NIPA1: variants seen among roughly 807,000 people sequenced by gnomAD.
NIPA1 encodes the protein NIPA magnesium transporter 1, also known as magnesium transporter NIPA1.
In NIPA1, 13 loss-of-function variants were observed where a neutral mutation model predicts 23.9. That is an observed-to-expected ratio of 0.54 (90% CI 0.35 to 0.87). NIPA1 has a LOEUF of 0.87. Among genes scored for constraint, NIPA1 ranks in the 40% least tolerant of loss-of-function variants. The pLI is 0.01. For synonymous variants in NIPA1, 234 were observed against 202.9 expected (o/e 1.15, Z -1.30); for missense variants, 362 against 429.7 (o/e 0.84, Z 1.39).
At chr15:22,813,465 T>A (rs1318820336) in intron 3 of NIPA1, among the ~76,000 whole-genome samples, 3 of 152,176 alleles carry the variant, frequency 2.0e-5, no homozygotes, top group Non-Finnish European at 1.5e-5. Context: ...GTTTACTTAC[T>A]GCGAAAATGA....
In NIPA1 at chr15:22,829,113, A is replaced by G. The variant is rs1566791332; in HGVS notation, c.*4874A>G. 2 of 152,328 alleles carry G rather than the reference A, an allele frequency of 1.3e-5. No individual in the cohort carries two copies. The highest frequency in any genetic ancestry group is 3.9e-4 in the East Asian group (2 of 5,190). The allele number at this position is 152,328 out of a possible 1,614,324, so 9.4% of individuals were successfully genotyped here. A position where few individuals can be genotyped will look rare whatever the true frequency, so the allele number is the denominator to read the frequency against. On this transcript the variant is annotated 3_prime_UTR_variant, in exon 5 of 5. Coordinates refer to ENST00000337435, the MANE Select transcript of NIPA1 (RefSeq NM_144599.5). ...TAAAAGAAAGGGTTTTATATGTTCT[A>G]TTGTAAAATATGGAAATTAAACAGG...
chr15:22,788,498 CAAA>C (rs905296655), intron 1 of NIPA1, among the ~76,000 whole-genome samples: 7 of 89,568 alleles, frequency 7.8e-5, no homozygotes, highest in Admixed American at 1.3e-4. Flanking sequence ...GACTCCATCT[CAAA>C]AAAAAAAAAA....
Position 22,820,469 on chromosome 15 carries a change from T to A in NIPA1, c.474T>A (p.Asn158Lys). ...TQAELEEKLT[N>K]PVFVGYLCIV... is the part of the protein sequence containing the mutation. The stretch of plus-strand genomic sequence containing the variant: ...CTGAGCTGGAGGAAAAGCTGACCAA[T>A]CCAGGTAATTCCTTTCTAGCAGCAC... Residue 158 changes from asparagine to lysine, a missense_variant, in exon 4 of 5, where the codon AAT (asparagine) becomes AAA (lysine). Asn to Lys is a moderately conservative substitution (Grantham distance 94, BLOSUM62 0). Coordinates refer to ENST00000337435, the MANE Select transcript of NIPA1 (RefSeq NM_144599.5). The A allele has an allele frequency of 6.2e-7, 1 of 1,612,954 alleles. No homozygotes were observed. The highest frequency in any genetic ancestry group is 8.5e-7 in the Non-Finnish European group (1 of 1,178,958).
Position 22,826,123 on chromosome 15 carries a change from C to T in NIPA1, c.*1884C>T. ...GGCAAAAAGAACATTTCTAAAGTCT[C>T]AAGGAATAGCTTCCTAAAGTGTTGA... On this transcript the variant is annotated 3_prime_UTR_variant, in exon 5 of 5. Transcript: ENST00000337435. 6.6e-6 allele frequency: 1 copy of T among 152,258 alleles called. No individual in the cohort carries two copies. The highest frequency in any genetic ancestry group is 1.9e-4 in the East Asian group (1 of 5,178). 9.4% of individuals were successfully genotyped at this position (152,258 alleles called of 1,614,324 possible). A position where few individuals can be genotyped will look rare whatever the true frequency, so the allele number is the denominator to read the frequency against.
rs1595648570 is a variant in NIPA1, at chr15:22,824,456, ATC to A, written c.*225_*226del. The A allele has an allele frequency of 1.7e-6, 1 of 581,664 alleles. No individual in the cohort carries two copies. The highest frequency in any genetic ancestry group is 2.9e-5 in the East Asian group (1 of 34,344). 36.0% of individuals were successfully genotyped at this position (581,664 alleles called of 1,614,324 possible). A position where few individuals can be genotyped will look rare whatever the true frequency, so the allele number is the denominator to read the frequency against. On this transcript the variant is annotated 3_prime_UTR_variant, in exon 5 of 5. Coordinates refer to ENST00000337435, the MANE Select transcript of NIPA1 (RefSeq NM_144599.5). This position sits in a 1 kb window ranked among gnomAD's most constrained non-coding sequence, Gnocchi z 4.1. The stretch of plus-strand genomic sequence containing the variant: ...ACGTCCCCAACGGTTGCCTGGCACC[ATC>A]TCTCTCTGATGAGACGAATCTCATT...
Position 22,826,292 on chromosome 15 carries a change from C to CTT in NIPA1, c.*2053_*2054insTT, listed in dbSNP as rs1255145394. 3 of 78,234 alleles carry CTT rather than the reference C, an allele frequency of 3.8e-5. No individual in the cohort carries two copies. The South Asian group carries it at 2.5e-3, about 64-fold the overall frequency. The allele number at this position is 78,234 out of a possible 1,614,324, so 4.8% of individuals were successfully genotyped here. The stretch of plus-strand genomic sequence containing the variant: ...ACATTATTTTTTAAAAATCTTAAAT[C>CTT]CTCTCAATGGATGGTTAACAAATGC... On this transcript the variant is annotated 3_prime_UTR_variant, in exon 5 of 5. Transcript: ENST00000337435.
chr15:22,792,560 A>G (rs535623779), intron 1 of NIPA1, among the ~76,000 whole-genome samples: 8 of 150,922 alleles, frequency 5.3e-5, no homozygotes, highest in African/African-American at 1.2e-4. Context: ...GGGTTTCACC[A>G]TGTTAGCCAG....
chr15:22,799,078 T>A (rs1046701106), intron 1 of NIPA1, among the ~76,000 whole-genome samples: 4 of 151,992 alleles, frequency 2.6e-5, no homozygotes, highest in African/African-American at 9.7e-5. Flanking sequence ...CAGTACTGGG[T>A]GTCTACTCAA....
chr15:22,787,344 C>A (rs1390553373), intron 1 of NIPA1, among the ~76,000 whole-genome samples: 3 of 152,194 alleles, frequency 2.0e-5, no homozygotes, highest in Admixed American at 6.5e-5. Flanking sequence ...GATTTCCAGT[C>A]CCCCGCAGGG....
intron 1 of NIPA1, among the ~76,000 whole-genome samples, chr15:22,798,551 C>T (rs1318780127): frequency 7.8e-6 from 1 of 127,634 alleles, no homozygotes; most frequent in Non-Finnish European, 1.7e-5. Context: ...TCCTAAAAAT[C>T]TTAAAAAAAA....
At chr15:22,801,955 G>A (rs931766798) in intron 1 of NIPA1, among the ~76,000 whole-genome samples, 9 of 152,178 alleles carry the variant, frequency 5.9e-5, no homozygotes, top group African/African-American at 1.9e-4. Flanking sequence ...GAAGAAGCAT[G>A]TGTTAATATG....
At chr15:22,821,293 A>G (rs1895534173) in intron 4 of NIPA1, among the ~76,000 whole-genome samples, 2 of 152,136 alleles carry the variant, frequency 1.3e-5, no homozygotes. Context: ...TACACTAAAA[A>G]CTACTATCTA....
At chr15:22,801,775 A>G (rs975808744) in intron 1 of NIPA1, among the ~76,000 whole-genome samples, 2 of 151,954 alleles carry the variant, frequency 1.3e-5, no homozygotes, top group Non-Finnish European at 2.9e-5. Flanking sequence ...TTGGCCTCCC[A>G]AAGTGTTAGG....
rs570711377 is a variant in NIPA1, at chr15:22,803,188, C to T, written c.179-7561C>T. On this transcript the variant is annotated intron_variant, in intron 1 of 4. Coordinates refer to ENST00000337435, the MANE Select transcript of NIPA1 (RefSeq NM_144599.5). ...GCCAGGCTGGTCTCAAACTCCTGACCGCGGGTGATCCACTCACCTCGGCCT... is the reference window on the plus strand; with the variant it reads ...GCCAGGCTGGTCTCAAACTCCTGACTGCGGGTGATCCACTCACCTCGGCCT... Among the ~76,000 whole-genome samples, 12 of 152,006 alleles carry T rather than the reference C, an allele frequency of 7.9e-5. No homozygotes were observed. In the East Asian group the frequency reaches 9.7e-4, roughly 12 times the overall value.
chr15:22,806,886 C>T (rs6606826), intron 1 of NIPA1, among the ~76,000 whole-genome samples: 49,463 of 151,980 alleles, frequency 0.33, 13,579 homozygotes, highest in African/African-American at 0.74. Context: ...CAGGGGACAC[C>T]CCTGGACCGA....
At chr15:22,821,438 T>C (rs917238418) in intron 4 of NIPA1, among the ~76,000 whole-genome samples, 5 of 151,742 alleles carry the variant, frequency 3.3e-5, no homozygotes, top group Non-Finnish European at 7.4e-5. Flanking sequence ...CCACACTCGC[T>C]GGTTTGCATG....
Position 22,812,144 on chromosome 15 carries a change from C to T in NIPA1, c.227-19C>T, listed in dbSNP as rs1696540598. The T allele has an allele frequency of 1.3e-6, 2 of 1,586,594 alleles. No homozygotes were observed. Among genetic ancestry groups the T allele is most frequent in the Non-Finnish European group, 1.7e-6 (2 of 1,155,794 alleles). On this transcript the variant is annotated intron_variant, in intron 2 of 4. Transcript: ENST00000337435. ...GAGCTCTGTAATTGCAAGTAGTATC[C>T]TTGTGATTTTCTTGACAGTGGCTGT...
chr15:22,788,377 T>A (rs1266716544), intron 1 of NIPA1, among the ~76,000 whole-genome samples: 2 of 151,692 alleles, frequency 1.3e-5, no homozygotes, highest in African/African-American at 4.8e-5. Flanking sequence ...GGCACGCACC[T>A]GTAGTACCAG....
intron 3 of NIPA1, among the ~76,000 whole-genome samples, chr15:22,817,196 A>G (rs1895438310): frequency 6.7e-6 from 1 of 148,418 alleles, no homozygotes. Context: ...CAAAAAAAAA[A>G]AAAAAAAAAA....
Sources: gnomAD v4.1 joint callset for allele counts (sites outside exome capture counted in the v4.1 genomes callset) on GRCh38, gnomAD v4.1.1 for gene constraint, Gnocchi (gnomAD v3.1) non-coding constraint, MANE v1.5 for transcripts, NCBI Gene and HGNC (gene_info 2026-07-23, HGNC 2026-07-21) for gene names.